Variants in NIBAN1 observed in about 807,000 individuals in gnomAD.
NIBAN1 encodes the protein niban apoptosis regulator 1.
Under a neutral mutation model 75.1 loss-of-function variants are expected in NIBAN1, and 81 were observed. The observed-to-expected ratio is 1.08, with a 90% CI of 0.90 to 1.30. NIBAN1 has a LOEUF of 1.30. Among genes scored for constraint, NIBAN1 ranks in the 50% most tolerant of loss-of-function variants. The pLI, the probability that NIBAN1 is intolerant of heterozygous loss-of-function variation, is 0.00. For missense variants in NIBAN1, 1,133 were observed against 1,128.1 expected, an observed-to-expected ratio of 1.00 and a Z score of -0.06; for synonymous variants, 436 against 424.8, an observed-to-expected ratio of 1.03 and a Z score of -0.32.
intron 1 of NIBAN1, among the ~76,000 whole-genome samples, chr1:184,918,425 T>C (rs550785916): frequency 9.8e-5 from 15 of 152,326 alleles, no homozygotes; most frequent in African/African-American, 3.6e-4. Flanking sequence ...AAAGCCACCT[T>C]GGGTTCTTCC....
intron 12 of NIBAN1, among the ~76,000 whole-genome samples, chr1:184,798,996 A>AT (rs560142173): frequency 6.7e-4 from 101 of 151,480 alleles, no homozygotes; most frequent in African/African-American, 2.3e-3. Context: ...AAAAATTGAG[A>AT]TTTTTTTTCA....
Position 184,798,143 on chromosome 1 carries a change from C to T in NIBAN1, c.1602G>A (p.Met534Ile), listed in dbSNP as rs1571466784. The T allele has an allele frequency of 6.2e-6, 10 of 1,611,440 alleles. No homozygotes were observed. The highest frequency in any genetic ancestry group is 7.6e-6 in the Non-Finnish European group (9 of 1,178,082). ...EQFIFADHTN[M>I]IHVENVYEEI... Reference sequence around the variant, plus strand: ...CCTCATAGACATTTTCAACGTGAATCATATTGGTATGATCTGCAAAGATGA... The same window carrying T: ...CCTCATAGACATTTTCAACGTGAATTATATTGGTATGATCTGCAAAGATGA... Residue 534 changes from methionine (M) to isoleucine (I), a missense_variant, in exon 13 of 14, where the codon ATG becomes ATA. By Grantham distance (10) the Met-to-Ile change is conservative. Coordinates refer to ENST00000367511, the MANE Select transcript of NIBAN1 (RefSeq NM_052966.4).
At chr1:184,878,489 A>G (rs546175208) in intron 5 of NIBAN1, among the ~76,000 whole-genome samples, 3 of 152,354 alleles carry the variant, frequency 2.0e-5, no homozygotes, top group African/African-American at 7.2e-5. Context: ...AAGCTATGCT[A>G]TCAAATATTT....
chr1:184,930,924 T>C lies in NIBAN1; in HGVS notation c.56-31615A>G, dbSNP rs117180734. ...AAGTGCTAGATAAAATACTTCAGCA[T>C]GAGGTAGATGAGTCTGCAGGCACAT... On this transcript the variant is annotated intron_variant, in intron 1 of 13. Coordinates refer to ENST00000367511, the MANE Select transcript of NIBAN1 (RefSeq NM_052966.4). 2.5e-3 allele frequency among the ~76,000 whole-genome samples: 376 copies of C among 152,210 alleles called. 4 individuals are homozygous for C. In the East Asian group the frequency reaches 0.035, roughly 14 times the overall value.
chr1:184,796,199 C>G, intron 13 of NIBAN1, 102 bp from the exon 14 acceptor site: 1 of 1,284,492 alleles, frequency 7.8e-7, no homozygotes, highest in South Asian at 1.6e-5. Context: ...ATTTCAAGAC[C>G]CAGCTTACAT....
rs773796065 is a variant in NIBAN1 at position 184,795,589 on chromosome 1, G to GA, written c.2174_2175insT (p.Ser726LeufsTer20). ...TATCTTCTTCCATCACTGGAGCAGAGTCCACTGGTACTTCCACGGACGCTG... is the reference window on the plus strand; with the variant it reads ...TATCTTCTTCCATCACTGGAGCAGAGATCCACTGGTACTTCCACGGACGCTG... On this transcript the variant is annotated frameshift_variant, in exon 14 of 14. Transcript: ENST00000367511. LOFTEE classifies it low-confidence loss of function (END_TRUNC). The GA allele has an allele frequency of 6.2e-7, 1 of 1,614,168 alleles. No individual in the cohort carries two copies. Among genetic ancestry groups the GA allele is most frequent in the Middle Eastern group, 1.6e-4 (1 of 6,062 alleles).
intron 1 of NIBAN1, among the ~76,000 whole-genome samples, chr1:184,934,446 C>T (rs889568519): frequency 1.3e-5 from 2 of 152,192 alleles, no homozygotes; most frequent in Non-Finnish European, 2.9e-5. Flanking sequence ...CAAACCTGCA[C>T]ATCTACCCCT....
rs1557929206 is a variant in NIBAN1 at position 184,954,256 on chromosome 1, C to G, written c.55+20046G>C. Among the ~76,000 whole-genome samples the G allele has an allele frequency of 2.0e-5, 3 of 152,046 alleles. No individual in the cohort carries two copies. The South Asian group carries it at 6.2e-4, about 32-fold the overall frequency. ...TTGGTTATAGGTCTAGAGTGGAAGCCAAGAACAGAAAATGAGACAAAAGAG... is the reference window on the plus strand; with the variant it reads ...TTGGTTATAGGTCTAGAGTGGAAGCGAAGAACAGAAAATGAGACAAAAGAG... On this transcript the variant is annotated intron_variant, in intron 1 of 13. Coordinates refer to ENST00000367511, the MANE Select transcript of NIBAN1 (RefSeq NM_052966.4).
chr1:184,833,814 AAAG>A (rs1655061128), intron 5 of NIBAN1, among the ~76,000 whole-genome samples: 1 of 152,190 alleles, frequency 6.6e-6, no homozygotes, highest in Admixed American at 6.5e-5. Context: ...AATTTTGAAA[AAAG>A]AGCATGTTTC....
intron 1 of NIBAN1, among the ~76,000 whole-genome samples, chr1:184,940,370 T>C (rs114870061): frequency 0.017 from 2,588 of 152,284 alleles, 70 homozygotes; most frequent in African/African-American, 0.058. Context: ...TGATAGTAAA[T>C]AAATTCCTCC....
chr1:184,863,895 G>T lies in NIBAN1; in HGVS notation c.601+20738C>A, dbSNP rs142853849. Among the ~76,000 whole-genome samples the T allele has an allele frequency of 1.9e-3, 283 of 152,278 alleles. 1 individual carries two copies. Among genetic ancestry groups the T allele is most frequent in the African/African-American group, 6.6e-3 (273 of 41,542 alleles). ...TGAACCTCAGTGTCATCTGAAAAAT[G>T]GAGATAAAATTTGTTCCTCCTTAGT... On this transcript the variant is annotated intron_variant, in intron 5 of 13. Transcript: ENST00000367511.
chr1:184,891,025 C>A (rs1656654286), intron 3 of NIBAN1, among the ~76,000 whole-genome samples: 1 of 152,118 alleles, frequency 6.6e-6, no homozygotes. Flanking sequence ...AAGTTTGAGA[C>A]CCAAAATCTA....
rs190503204 is a variant in NIBAN1, at chr1:184,906,498, C to T, written c.56-7189G>A. The stretch of plus-strand genomic sequence containing the variant: ...ATACAAAATTAGCCAGGCGTGGTGG[C>T]GCATGCCTGTAATCCCAGCTACTCG... On this transcript the variant is annotated intron_variant, in intron 1 of 13. Coordinates refer to ENST00000367511, the MANE Select transcript of NIBAN1 (RefSeq NM_052966.4). Among the ~76,000 whole-genome samples, 403 of 152,006 alleles carry T rather than the reference C, an allele frequency of 2.7e-3. 5 individuals carry two copies. The highest frequency in any genetic ancestry group is 8.7e-3 in the African/African-American group (361 of 41,470).
intron 5 of NIBAN1, among the ~76,000 whole-genome samples, chr1:184,847,581 C>A (rs1445276905): frequency 1.2e-4 from 1 of 8,634 alleles, no homozygotes; most frequent in African/African-American, 1.6e-3. Context: ...TGAGCAAAAT[C>A]ACCAGCTAAC....
chr1:184,862,987 C>G (rs1018391191), intron 5 of NIBAN1, among the ~76,000 whole-genome samples: 2 of 152,006 alleles, frequency 1.3e-5, no homozygotes, highest in African/African-American at 4.8e-5. Flanking sequence ...TGATCCTCTC[C>G]TTTTTCCCAC....
Position 184,795,150 on chromosome 1 carries a change from C to T in NIBAN1, c.2614G>A (p.Ala872Thr). 1 of 1,614,192 alleles carries T rather than the reference C, an allele frequency of 6.2e-7. No individual in the cohort carries two copies. Among genetic ancestry groups the T allele is most frequent in the East Asian group, 2.2e-5 (1 of 44,888 alleles). Residue 872 changes from alanine to threonine, a missense_variant, in exon 14 of 14, where the codon GCC becomes ACC. Physicochemically the swap from Ala to Thr is moderately conservative, Grantham distance 58 (BLOSUM62 0). Coordinates refer to ENST00000367511, the MANE Select transcript of NIBAN1 (RefSeq NM_052966.4). Reference protein sequence around the residue: ...QEEMGGQSSAAQATASVNAEE... With the variant: ...QEEMGGQSSATQATASVNAEE... ...GCATTCACACTGGCCGTGGCCTGGG[C>T]CGCGCTGCTTTGCCCTCCCATCTCT...
intron 9 of NIBAN1, among the ~76,000 whole-genome samples, chr1:184,813,858 T>G (rs530758975): frequency 6.6e-6 from 1 of 152,334 alleles, no homozygotes; most frequent in Non-Finnish European, 1.5e-5. Flanking sequence ...TTATCTGCAT[T>G]TCTATCTGGG....
chr1:184,885,333 C>T (rs950185710), intron 4 of NIBAN1, among the ~76,000 whole-genome samples: 11 of 152,074 alleles, frequency 7.2e-5, no homozygotes, highest in Non-Finnish European at 1.0e-4. Flanking sequence ...CCACCGCACC[C>T]GGCTAGTTTT....
intron 5 of NIBAN1, among the ~76,000 whole-genome samples, chr1:184,839,877 G>A (rs1168491469): frequency 2.0e-5 from 3 of 152,122 alleles, no homozygotes; most frequent in South Asian, 2.1e-4. Flanking sequence ...GATTATAGGT[G>A]TGAGCCACCG....
Sources: allele counts gnomAD v4.1 joint callset (sites outside exome capture counted in the v4.1 genomes callset), GRCh38; gene constraint gnomAD v4.1.1; transcripts MANE v1.5; gene names NCBI Gene and HGNC (gene_info 2026-07-23, HGNC 2026-07-21).